The following RBFOX2 variants were observed in gnomAD, a reference collection of about 807,000 sequenced individuals.
The protein encoded by RBFOX2 is RNA binding protein fox-1 homolog 2.
In RBFOX2, 10 loss-of-function variants were observed where a neutral mutation model predicts 49.1. The observed-to-expected ratio is 0.20, with a 90% CI of 0.13 to 0.35. The LOEUF is 0.35. Among genes scored for constraint, RBFOX2 ranks in the 10% least tolerant of loss-of-function variants. The pLI is 1.00. For synonymous variants in RBFOX2, 183 were observed against 187.4 expected, an observed-to-expected ratio of 0.98 and a Z score of 0.19; for missense variants, 323 against 486.9, an observed-to-expected ratio of 0.66 and a Z score of 3.17.
chr22:35,911,968 A>G (rs190311888), intron 1 of RBFOX2, among the ~76,000 whole-genome samples: 666 of 152,130 alleles, frequency 4.4e-3, no homozygotes, highest in Non-Finnish European at 7.7e-3. Flanking sequence ...TCTTAAATAC[A>G]TACTTCTTTT....
chr22:36,028,127 C>G lies in RBFOX2; in HGVS notation c.186+113G>C. On this transcript the variant is annotated intron_variant, in intron 1 of 13. Coordinates refer to the RBFOX2 transcript ENST00000438146. ...ACCAGGCCCCGAATGGCCCCCCATC[C>G]CACCTCCAACCCAGGACTCCCGGAG... The G allele has an allele frequency of 2.3e-6, 3 of 1,306,084 alleles. No individual in the cohort carries two copies. The Admixed American group carries it at 1.2e-4, about 52-fold the overall frequency. The allele number at this position is 1,306,084 out of a possible 1,614,324, so 80.9% of individuals were successfully genotyped here.
chr22:35,915,382 G>T (rs1322209677), intron 1 of RBFOX2, among the ~76,000 whole-genome samples: 1 of 152,164 alleles, frequency 6.6e-6, no homozygotes, highest in Non-Finnish European at 1.5e-5. Flanking sequence ...GAGAATGCAG[G>T]AAGTGTCTGC....
At chr22:35,900,184 G>C (rs935060105) in intron 1 of RBFOX2, among the ~76,000 whole-genome samples, 3 of 152,122 alleles carry the variant, frequency 2.0e-5, no homozygotes, top group Admixed American at 6.5e-5. Flanking sequence ...CATGATCTCG[G>C]CTCACTGCAA....
At chr22:35,809,869 C>A in exon 2 of RBFOX2, 1 of 1,614,004 alleles carries the variant, frequency 6.2e-7, no homozygotes, top group Non-Finnish European at 8.5e-7. Flanking sequence ...TTATGCTCAC[C>A]GGTCTGGCCG....
chr22:35,750,891 A>G (rs1205928954), intron 9 of RBFOX2, among the ~76,000 whole-genome samples: 3 of 152,342 alleles, frequency 2.0e-5, no homozygotes, highest in Admixed American at 6.5e-5. Context: ...TCTTCAAAGG[A>G]AAATGCCTTT....
chr22:35,743,944 T>TA (rs1356795324), exon 12 of RBFOX2: 4 of 370,836 alleles, frequency 1.1e-5, no homozygotes, highest in East Asian at 4.1e-5. Flanking sequence ...TTTTTTTTTT[T>TA]ACCACAGTTT....
At chr22:35,841,311 A>G (rs555690724), upstream of RBFOX2, among the ~76,000 whole-genome samples, 1 of 152,158 alleles carries the variant, frequency 6.6e-6, no homozygotes, top group Non-Finnish European at 1.5e-5. Context: ...ATTGTTATAG[A>G]ATGCTGTAGC....
intron 9 of RBFOX2, chr22:35,748,216 A>G (rs1933508558): frequency 6.6e-6 from 1 of 152,226 alleles, no homozygotes; most frequent in East Asian, 1.9e-4. Flanking sequence ...GTGGTTATAC[A>G]TTATTCCTCC....
At chr22:35,913,505 G>GTGTATA (rs1556391243) in intron 1 of RBFOX2, among the ~76,000 whole-genome samples, 2 of 148,110 alleles carry the variant, frequency 1.4e-5, no homozygotes, top group African/African-American at 5.0e-5. Flanking sequence ...GTGTGTGTGT[G>GTGTATA]TATACATATA....
At chr22:35,884,614 A>T (rs1169526825) in intron 1 of RBFOX2, among the ~76,000 whole-genome samples, 1 of 152,174 alleles carries the variant, frequency 6.6e-6, no homozygotes, top group Non-Finnish European at 1.5e-5. Flanking sequence ...TAGAGAGGGC[A>T]AGCACCCAAG....
At chr22:35,886,001 C>A (rs2046529669) in intron 1 of RBFOX2, among the ~76,000 whole-genome samples, 1 of 151,676 alleles carries the variant, frequency 6.6e-6, no homozygotes, top group African/African-American at 2.4e-5. Context: ...GAACTACAGG[C>A]ACCCACCACC....
chr22:35,754,748 G>A (rs1349159881), intron 9 of RBFOX2, among the ~76,000 whole-genome samples: 1 of 152,142 alleles, frequency 6.6e-6, no homozygotes, highest in Non-Finnish European at 1.5e-5. Flanking sequence ...GGAAAGAGGT[G>A]GATTTTAATT....
At chr22:35,989,297 A>G (rs1231558844) in intron 1 of RBFOX2, among the ~76,000 whole-genome samples, 2 of 152,190 alleles carry the variant, frequency 1.3e-5, no homozygotes, top group African/African-American at 2.4e-5. Flanking sequence ...TCAAGCACCA[A>G]TTTTTAAGTG....
intron 1 of RBFOX2, among the ~76,000 whole-genome samples, chr22:35,952,218 T>C (rs1224038008): frequency 1.3e-5 from 2 of 152,226 alleles, no homozygotes; most frequent in Non-Finnish European, 2.9e-5. Context: ...GGAAAGGACT[T>C]TTGGAAGCTT....
upstream of RBFOX2, among the ~76,000 whole-genome samples, chr22:35,940,858 A>G (rs1292252775): frequency 6.6e-6 from 1 of 152,212 alleles, no homozygotes; most frequent in African/African-American, 2.4e-5. Flanking sequence ...TTTGTATGAA[A>G]TATCAAGAAT....
At chr22:35,812,078 T>C (rs1245086691) in intron 1 of RBFOX2, among the ~76,000 whole-genome samples, 2 of 151,428 alleles carry the variant, frequency 1.3e-5, no homozygotes, top group Non-Finnish European at 2.9e-5. Flanking sequence ...CTGGCCAACA[T>C]GGTGAAACTC....
rs1310278470 is a variant in RBFOX2 at position 35,840,533 on chromosome 22, C to G, written c.-315G>C. ...GCCCCACCTCTTCCTCCTCCCCCCA[C>G]CCCCTCCCAGCAGGCTGACATCTCC... On this transcript the variant is annotated 5_prime_UTR_variant, in exon 1 of 12. Transcript: ENST00000405409. 3 of 1,216,012 alleles carry G rather than the reference C, an allele frequency of 2.5e-6. No homozygotes were observed. In the East Asian group the frequency reaches 1.2e-4, roughly 50 times the overall value. 75.3% of individuals were successfully genotyped at this position (1,216,012 alleles called of 1,614,324 possible).
intron 5 of RBFOX2, among the ~76,000 whole-genome samples, chr22:35,765,729 C>T (rs1940740844): frequency 6.6e-6 from 1 of 152,056 alleles, no homozygotes; most frequent in African/African-American, 2.4e-5. Flanking sequence ...AAAGAAAATA[C>T]ATTTGCAAGA....
intron 1 of RBFOX2, among the ~76,000 whole-genome samples, chr22:35,976,337 C>G (rs549172211): frequency 7.0e-6 from 1 of 143,870 alleles, no homozygotes; most frequent in Non-Finnish European, 1.5e-5. Flanking sequence ...ACCACCACCA[C>G]CCCCCCCTCT....
Sources: gnomAD v4.1 joint callset for allele counts (sites outside exome capture counted in the v4.1 genomes callset) on GRCh38, gnomAD v4.1.1 for gene constraint, MANE v1.5 for transcripts, NCBI Gene and HGNC (gene_info 2026-07-23, HGNC 2026-07-21) for gene names.